Variants in ADAM10 observed in about 807,000 individuals in gnomAD.
ADAM10 encodes disintegrin and metalloproteinase domain-containing protein 10.
Under a neutral mutation model 90.1 loss-of-function variants are expected in ADAM10, and 17 were observed. That is an observed-to-expected ratio of 0.19 (90% confidence interval 0.13 to 0.28). The LOEUF is 0.28. Among genes scored for constraint, ADAM10 ranks in the 10% least tolerant of loss-of-function variants. The pLI, the probability that ADAM10 is intolerant of heterozygous loss-of-function variation, is 1.00. For synonymous variants in ADAM10, 310 were observed against 298.6 expected (o/e 1.04, Z -0.40); for missense variants, 610 against 914.3 (o/e 0.67, Z 4.29).
At chr15:58,701,097 T>C (rs545863918) in intron 2 of ADAM10, among the ~76,000 whole-genome samples, 4 of 148,836 alleles carry the variant, frequency 2.7e-5, no homozygotes, top group African/African-American at 9.9e-5. Flanking sequence ...CAAAACCAAG[T>C]TTTTTTGAAA....
intron 1 of ADAM10, among the ~76,000 whole-genome samples, chr15:58,728,183 G>A (rs569067712): frequency 5.1e-4 from 77 of 152,250 alleles, no homozygotes; most frequent in African/African-American, 1.8e-3. Context: ...TAACAGATAT[G>A]CAGAAAATCC....
intron 1 of ADAM10, among the ~76,000 whole-genome samples, chr15:58,721,626 T>C (rs1190063768): frequency 2.0e-5 from 3 of 152,152 alleles, no homozygotes; most frequent in African/African-American, 7.2e-5. Flanking sequence ...AGCTCACACC[T>C]GTAATCCCAA....
intron 1 of ADAM10, among the ~76,000 whole-genome samples, chr15:58,721,111 G>A (rs1161634057): frequency 1.3e-5 from 2 of 152,346 alleles, no homozygotes. Context: ...AAGCACTCAT[G>A]ACAAAAGCTC....
rs1416369635 is a variant in ADAM10 at position 58,597,444 on chromosome 15, T to C, written c.*103A>G. ...CTCTTGCCATTTTTTCTTCAACTGT[T>C]ACTTGTGAGGGTTTAGTTTGGAGAT... On this transcript the variant is annotated 3_prime_UTR_variant, in exon 16 of 16. Transcript: ENST00000260408. 1.9e-6 allele frequency: 3 copies of C among 1,588,726 alleles called. No individual in the cohort carries two copies. The highest frequency in any genetic ancestry group is 2.6e-6 in the Non-Finnish European group (3 of 1,166,262).
intron 4 of ADAM10, among the ~76,000 whole-genome samples, chr15:58,674,119 A>G (rs1161559859): frequency 1.3e-5 from 2 of 152,088 alleles, no homozygotes; most frequent in East Asian, 3.8e-4. Context: ...AATAACTCCC[A>G]TATCTGTGGC....
chr15:58,612,729 G>A (rs1895480708), intron 11 of ADAM10, among the ~76,000 whole-genome samples: 1 of 152,120 alleles, frequency 6.6e-6, no homozygotes, highest in Non-Finnish European at 1.5e-5. Context: ...AATCTCCAGA[G>A]CACCTCTTCC....
At chr15:58,660,584 A>G (rs1896941492) in intron 5 of ADAM10, among the ~76,000 whole-genome samples, 2 of 152,274 alleles carry the variant, frequency 1.3e-5, no homozygotes, top group South Asian at 4.1e-4. Flanking sequence ...GTCCATTTAT[A>G]TTTAATGCAG....
intron 5 of ADAM10, among the ~76,000 whole-genome samples, chr15:58,664,806 A>G (rs1769522444): frequency 6.6e-6 from 1 of 152,170 alleles, no homozygotes; most frequent in Non-Finnish European, 1.5e-5. Context: ...TTTTAATGCT[A>G]ATAAAAATAT....
In ADAM10 at chr15:58,647,506, C is replaced by T. The variant is rs184669106; in HGVS notation, c.586-1302G>A. 9.9e-5 allele frequency among the ~76,000 whole-genome samples: 15 copies of T among 151,486 alleles called. No homozygotes were observed. In the South Asian group the frequency reaches 2.1e-3, roughly 21 times the overall value. The stretch of plus-strand genomic sequence containing the variant: ...GTCTCGATCTCCTGACCTCGTGATC[C>T]GCCCGCCTCGGCCTCCCAAAGTGCT... On this transcript the variant is annotated intron_variant, in intron 5 of 15. Transcript: ENST00000260408.
intron 14 of ADAM10, among the ~76,000 whole-genome samples, chr15:58,604,905 CATTT>C (rs1490337443): frequency 6.6e-6 from 1 of 152,020 alleles, no homozygotes; most frequent in Non-Finnish European, 1.5e-5. Flanking sequence ...CCTGCGAATT[CATTT>C]ATTTATTTAT....
rs150095411 is a variant in ADAM10 at position 58,673,676 on chromosome 15, C to T, written c.484+5448G>A. Reference sequence around the variant, plus strand: ...GCATAATATGCATAATATGAAAAGTCTAAGCATATTTTTTCCAGATTCTGC... The same window carrying T: ...GCATAATATGCATAATATGAAAAGTTTAAGCATATTTTTTCCAGATTCTGC... On this transcript the variant is annotated intron_variant, in intron 4 of 15. Coordinates refer to ENST00000260408, the MANE Select transcript of ADAM10 (RefSeq NM_001110.4). Among the ~76,000 whole-genome samples, 25 of 151,810 alleles carry T rather than the reference C, an allele frequency of 1.6e-4. No individual in the cohort carries two copies. The East Asian group carries it at 4.1e-3, about 25-fold the overall frequency.
At chr15:58,735,793 T>G (rs550115293) in intron 1 of ADAM10, among the ~76,000 whole-genome samples, 1 of 152,190 alleles carries the variant, frequency 6.6e-6, no homozygotes, top group Non-Finnish European at 1.5e-5. Context: ...ATCACAGAAG[T>G]GCGTTATGAA....
intron 2 of ADAM10, chr15:58,692,937 G>T: frequency 1.4e-6 from 1 of 715,612 alleles, no homozygotes; most frequent in South Asian, 1.4e-5. Context: ...TGCCTGTGTT[G>T]ACCAAAGTCA....
At chr15:58,712,956 G>A (rs1016397178) in intron 2 of ADAM10, among the ~76,000 whole-genome samples, 11 of 152,076 alleles carry the variant, frequency 7.2e-5, no homozygotes, top group Admixed American at 2.6e-4. Flanking sequence ...AACAAATTTC[G>A]AACAAAAATC....
intron 1 of ADAM10, among the ~76,000 whole-genome samples, chr15:58,741,116 T>A (rs1188568340): frequency 6.6e-6 from 1 of 152,194 alleles, no homozygotes; most frequent in Non-Finnish European, 1.5e-5. Context: ...AAAGTTCAAA[T>A]GTATGCACAC....
At chr15:58,625,641 A>G (rs1226946730) in intron 10 of ADAM10, among the ~76,000 whole-genome samples, 2 of 152,200 alleles carry the variant, frequency 1.3e-5, no homozygotes, top group Admixed American at 6.5e-5. Context: ...TGGTCCATCA[A>G]TTCGATTTGG....
intron 6 of ADAM10, among the ~76,000 whole-genome samples, chr15:58,644,421 G>A (rs111533969): frequency 0.013 from 2,019 of 151,996 alleles, 42 homozygotes; most frequent in African/African-American, 0.046. Flanking sequence ...GTAAAGACAG[G>A]TTTCACTATC....
intron 12 of ADAM10, 133 bp from the exon 13 acceptor site, chr15:58,611,240 G>C (rs1416742880): frequency 1.1e-5 from 8 of 710,824 alleles, no homozygotes; most frequent in Admixed American, 2.4e-5. Flanking sequence ...AACAAACAGA[G>C]ATGAGTATCA....
intron 2 of ADAM10, among the ~76,000 whole-genome samples, chr15:58,690,825 C>CG (rs1714053897): frequency 2.0e-5 from 3 of 152,220 alleles, no homozygotes; most frequent in Non-Finnish European, 4.4e-5. Context: ...ACTTCATCTT[C>CG]ATCAATAGCT....
Sources: gnomAD v4.1 joint callset for allele counts (sites outside exome capture counted in the v4.1 genomes callset) on GRCh38, gnomAD v4.1.1 for gene constraint, MANE v1.5 for transcripts, NCBI Gene and HGNC (gene_info 2026-07-23, HGNC 2026-07-21) for gene names.